NLRC5: variants seen among roughly 807,000 people sequenced by gnomAD.
NLRC5 encodes the protein NLR family CARD domain containing 5.
Under a neutral mutation model 206.9 loss-of-function variants are expected in NLRC5, and 114 were observed. The observed-to-expected ratio is 0.55, with a 90% CI of 0.47 to 0.64. The LOEUF is 0.64. Ranked by LOEUF, NLRC5 falls within the 30% of genes least tolerant of loss-of-function variation. NLRC5 has a pLI of 0.00. For missense variants in NLRC5, 2,008 were observed against 2,305.5 expected (o/e 0.87, Z 2.64); for synonymous variants, 952 against 962.8 (o/e 0.99, Z 0.21).
In NLRC5 at chr16:57,013,097, A is replaced by G. The variant is rs186072098; in HGVS notation, c.-127-3977A>G. The G allele has an allele frequency of 4.6e-4, 124 of 269,516 alleles. 2 individuals are homozygous for G. The highest frequency in any genetic ancestry group is 2.8e-3 in the African/African-American group (120 of 43,478). The allele number at this position is 269,516 out of a possible 1,614,324, so 16.7% of individuals were successfully genotyped here. A position where few individuals can be genotyped will look rare whatever the true frequency, so the allele number is the denominator to read the frequency against. Reference sequence around the variant, plus strand: ...ACCTGTATAGTATTTAAATCTTTACATAAGATCACAATTATAGTGAATAGT... The same window carrying G: ...ACCTGTATAGTATTTAAATCTTTACGTAAGATCACAATTATAGTGAATAGT... On this transcript the variant is annotated intron_variant, in intron 1 of 48. Coordinates refer to ENST00000688547, the MANE Select transcript of NLRC5 (RefSeq NM_001384950.1).
At chr16:57,046,073 TC>T (rs1190071751) in intron 21 of NLRC5, among the ~76,000 whole-genome samples, 2 of 152,166 alleles carry the variant, frequency 1.3e-5, no homozygotes, top group Non-Finnish European at 2.9e-5. Context: ...AGCTAGTGTG[TC>T]AAGAAAAGGC....
At position 57,026,304 on chromosome 16, in the gene NLRC5, C is replaced by G; in HGVS notation, c.1361C>G (p.Thr454Ser). Residue 454 changes from threonine (T) to serine (S), a missense_variant, in exon 6 of 49, where the codon ACC (threonine) becomes AGC (serine). Thr to Ser is a moderately conservative substitution (Grantham distance 58). Transcript: ENST00000688547. Reference protein sequence around the residue: ...LALSPPGHLPTSSLLDLGEVA... With the variant: ...LALSPPGHLPSSSLLDLGEVA... Reference sequence around the variant, plus strand: ...CTCAGCCCCCCTGGGCACTTGCCCACCTCGTCCCTACTGGACCTGGGGGAG... The same window carrying G: ...CTCAGCCCCCCTGGGCACTTGCCCAGCTCGTCCCTACTGGACCTGGGGGAG... The G allele has an allele frequency of 6.2e-7, 1 of 1,614,068 alleles. No individual in the cohort carries two copies. The highest frequency in any genetic ancestry group is 8.5e-7 in the Non-Finnish European group (1 of 1,180,050).
chr16:57,038,746 C>A (rs2062910805), intron 15 of NLRC5, among the ~76,000 whole-genome samples: 1 of 151,674 alleles, frequency 6.6e-6, no homozygotes, highest in South Asian at 2.1e-4. Context: ...ACCAGCCTGG[C>A]CAATAGGATG....
intron 35 of NLRC5, 70 bp downstream of exon 35, chr16:57,067,540 G>GT: frequency 1.4e-6 from 2 of 1,473,090 alleles, no homozygotes; most frequent in South Asian, 2.3e-5. Flanking sequence ...TCCAGGCCAT[G>GT]TGTGACCCTG....
Position 57,041,558 on chromosome 16 carries a change from G to C in NLRC5, c.3013G>C (p.Gly1005Arg), listed in dbSNP as rs148873682. Residue 1005 changes from glycine to arginine, a missense_variant, in exon 18 of 49, where the codon GGT (glycine) becomes CGT (arginine). Physicochemically the swap from Gly to Arg is moderately radical, Grantham distance 125. Coordinates refer to ENST00000688547, the MANE Select transcript of NLRC5 (RefSeq NM_001384950.1). ...CKALGGSCHL[G>R]HLHLDFSGNA... ...GGCTCTGGGAGGAAGCTGCCACCTC[G>C]GTCACCTCCACCTCGAGTGAGTGGT... is the stretch of plus-strand genomic sequence containing the variant. 11 of 1,613,944 alleles carry C rather than the reference G, an allele frequency of 6.8e-6. No homozygotes were observed. The highest frequency in any genetic ancestry group is 6.7e-5 in the African/African-American group (5 of 74,900).
At chr16:57,059,270 G>C in intron 29 of NLRC5, 197 bp from the exon 30 acceptor site, 3 of 1,465,426 alleles carry the variant, frequency 2.0e-6, no homozygotes, top group Non-Finnish European at 2.7e-6. Context: ...GGACCATGGA[G>C]GCCATGGGGT....
intron 38 of NLRC5, among the ~76,000 whole-genome samples, chr16:57,073,763 T>C (rs375580491): frequency 9.5e-4 from 144 of 152,254 alleles, no homozygotes; most frequent in Middle Eastern, 3.4e-3. Flanking sequence ...CCAGCTAATT[T>C]TTCTATTTTT....
Position 57,061,492 on chromosome 16 carries a change from C to T in NLRC5, c.4031C>T (p.Ala1344Val). ...SFRPEHVSRL[A>V]TGLSKSLQLT... ...CGGCCAGAGCACGTGTCCAGGCTGG[C>T]CACCGGCTTGAGCAAGTCCCTGCAG... The change falls in exon 31 of 49, where the codon GCC (alanine) becomes GTC (valine). Residue 1344 changes from alanine (A) to valine (V), a missense_variant. By Grantham distance (64) the Ala-to-Val change is moderately conservative (BLOSUM62 0). Transcript: ENST00000688547. 1 of 1,610,996 alleles carries T rather than the reference C, an allele frequency of 6.2e-7. No homozygotes were observed. The highest frequency in any genetic ancestry group is 8.5e-7 in the Non-Finnish European group (1 of 1,180,022).
intron 2 of NLRC5, among the ~76,000 whole-genome samples, chr16:57,017,746 T>C (rs1054159302): frequency 6.6e-6 from 1 of 152,248 alleles, no homozygotes; most frequent in African/African-American, 2.4e-5. Flanking sequence ...TTTTTTAGCA[T>C]GTTTCATTGA....
rs1437023416 is a variant in NLRC5 at position 56,993,540 on chromosome 16, G to A, written c.-128+3923G>A. 4.6e-5 allele frequency among the ~76,000 whole-genome samples: 7 copies of A among 152,218 alleles called. No homozygotes were observed. The East Asian group carries it at 1.2e-3, about 25-fold the overall frequency. On this transcript the variant is annotated intron_variant, in intron 1 of 48. Transcript: ENST00000688547. ...TGCAGTTTGAACTTGGATAAATAAG[G>A]CAAATTATCCCCCCTTAAATGTTGT...
chr16:57,042,515 C>A (rs1412034850), intron 19 of NLRC5, among the ~76,000 whole-genome samples: 3 of 152,122 alleles, frequency 2.0e-5, no homozygotes, highest in Admixed American at 6.5e-5. Flanking sequence ...GAGTACCTGG[C>A]AGAGAGTGTG....
Position 57,082,662 on chromosome 16 carries a change from C to T in NLRC5, c.*134C>T, listed in dbSNP as rs1012580444. ...TGCACTCCACCCAGGAGGAAGGATA[C>T]GTGTGTCCTGCTGCAGTCCTCAGGG... On this transcript the variant is annotated 3_prime_UTR_variant, in exon 49 of 49. Transcript: ENST00000688547. 1.1e-5 allele frequency: 7 copies of T among 635,530 alleles called. No individual in the cohort carries two copies. Among genetic ancestry groups the T allele is most frequent in the Middle Eastern group, 4.3e-4 (1 of 2,348 alleles). 39.4% of individuals were successfully genotyped at this position (635,530 alleles called of 1,614,324 possible).
chr16:57,023,587 T>C (rs1597208762), intron 4 of NLRC5, among the ~76,000 whole-genome samples, 198 bp from the exon 5 acceptor site: 1 of 151,982 alleles, frequency 6.6e-6, no homozygotes, highest in African/African-American at 2.4e-5. Context: ...CCAATGGGGG[T>C]GCCTAGAAGT....
intron 21 of NLRC5, among the ~76,000 whole-genome samples, chr16:57,046,086 C>G (rs1020518912): frequency 6.6e-6 from 1 of 152,234 alleles, no homozygotes; most frequent in Non-Finnish European, 1.5e-5. Flanking sequence ...AGAAAAGGCA[C>G]TGCCGTACAG....
chr16:57,070,052 G>A (rs1477407367), intron 37 of NLRC5, 133 bp downstream of exon 37: 9 of 714,764 alleles, frequency 1.3e-5, no homozygotes, highest in Admixed American at 7.5e-5. Flanking sequence ...AAGTGCAGCA[G>A]TTCTGGGTGT....
chr16:57,078,094 G>T, intron 43 of NLRC5, 74 bp downstream of exon 43: 1 of 1,243,338 alleles, frequency 8.0e-7, no homozygotes, highest in Non-Finnish European at 1.1e-6. Flanking sequence ...GGGGGTCCAG[G>T]CCCCCATCAG....
chr16:57,034,268 G>T lies in NLRC5; in HGVS notation c.2627+17G>T. On this transcript the variant is annotated intron_variant, in intron 13 of 48. Transcript: ENST00000688547. ...GGAAGTGGAGTGAGTATCACGGGAA[G>T]CCCTGGCGTAGGAGCCAGGAAAGGA... The T allele has an allele frequency of 1.9e-6, 3 of 1,604,914 alleles. No homozygotes were observed. The highest frequency in any genetic ancestry group is 1.7e-6 in the Non-Finnish European group (2 of 1,174,466).
At chr16:57,027,138 T>G (rs2061338674) in intron 6 of NLRC5, 120 bp downstream of exon 6, 1 of 1,178,276 alleles carries the variant, frequency 8.5e-7, no homozygotes, top group East Asian at 2.4e-5. Flanking sequence ...CAGAACATAA[T>G]GGCCTGCAAT....
chr16:57,014,859 C>T (rs1427649604), intron 1 of NLRC5, among the ~76,000 whole-genome samples: 1 of 152,086 alleles, frequency 6.6e-6, no homozygotes, highest in Non-Finnish European at 1.5e-5. Flanking sequence ...ACGGCACCTT[C>T]TCATTGTGTC....
Sources: allele counts gnomAD v4.1 joint callset (sites outside exome capture counted in the v4.1 genomes callset), GRCh38; gene constraint gnomAD v4.1.1; transcripts MANE v1.5; gene names NCBI Gene and HGNC (gene_info 2026-07-23, HGNC 2026-07-21).